The following DGKG variants were observed in gnomAD, a reference collection of about 807,000 sequenced individuals.
DGKG encodes DAG kinase gamma.
DGKG carries 78 observed loss-of-function variants against 105.3 expected under a neutral mutation model. The ratio of observed to expected loss-of-function variants is 0.74; its 90% CI spans 0.62 to 0.89. The LOEUF (loss-of-function observed/expected upper bound fraction) is 0.89, where lower values mean the gene tolerates loss of function less well. Among genes scored for constraint, DGKG ranks in the 40% least tolerant of loss-of-function variants. The pLI is 0.00. For synonymous variants in DGKG, 346 were observed against 367.1 expected, an observed-to-expected ratio of 0.94 and a Z score of 0.66; for missense variants, 958 against 1,020.1, an observed-to-expected ratio of 0.94 and a Z score of 0.83.
At chr3:186,304,735 C>T (rs1450290079) in intron 3 of DGKG, among the ~76,000 whole-genome samples, 1 of 152,212 alleles carries the variant, frequency 6.6e-6, no homozygotes, top group Non-Finnish European at 1.5e-5. Context: ...CACTCATCCA[C>T]AAACTTCGAG....
chr3:186,275,811 A>G (rs1722555805), intron 9 of DGKG, 147 bp from the exon 10 acceptor site: 2 of 565,076 alleles, frequency 3.5e-6, no homozygotes, highest in Admixed American at 3.6e-5. Flanking sequence ...AAATAAAAAC[A>G]AAATTTTTGT....
At chr3:186,247,138 A>C (rs891994445) in intron 19 of DGKG, among the ~76,000 whole-genome samples, 2 of 152,350 alleles carry the variant, frequency 1.3e-5, no homozygotes, top group African/African-American at 4.8e-5. Context: ...AGTAGATATT[A>C]TCAGTTAGAA....
intron 13 of DGKG, 112 bp from the exon 14 acceptor site, chr3:186,265,418 T>G: frequency 1.0e-6 from 1 of 965,614 alleles, no homozygotes; most frequent in Non-Finnish European, 1.6e-6. Context: ...AGAAAGCTAG[T>G]GTAGTATGGA....
chr3:186,315,583 T>C (rs1400971020), intron 2 of DGKG, among the ~76,000 whole-genome samples: 1 of 152,080 alleles, frequency 6.6e-6, no homozygotes, highest in East Asian at 1.9e-4. Flanking sequence ...CAGTTTGCCT[T>C]ACTAGGCACT....
chr3:186,236,772 G>T (rs1720439836), intron 20 of DGKG, among the ~76,000 whole-genome samples: 1 of 152,248 alleles, frequency 6.6e-6, no homozygotes, highest in Non-Finnish European at 1.5e-5. Flanking sequence ...TAGGAATGAA[G>T]CACTGCTTCG....
In DGKG at chr3:186,302,476, A is replaced by ATG. The variant is rs1560143453; in HGVS notation, c.145-4248_145-4247insCA. Among the ~76,000 whole-genome samples the ATG allele has an allele frequency of 7.0e-4, 64 of 91,296 alleles. 1 individual carries two copies. The highest frequency in any genetic ancestry group is 8.2e-4 in the Non-Finnish European group (39 of 47,374). The allele number at this position is 91,296 out of a possible 152,430, so 59.9% of individuals were successfully genotyped here. A position where few individuals can be genotyped will look rare whatever the true frequency, so the allele number is the denominator to read the frequency against. The stretch of plus-strand genomic sequence containing the variant: ...GGAAATGTGCTATATATATATATAT[A>ATG]TATATATATATATATATATATATAT... On this transcript the variant is annotated intron_variant, in intron 3 of 24. Transcript: ENST00000265022.
intron 3 of DGKG, among the ~76,000 whole-genome samples, chr3:186,302,888 C>G (rs1724046932): frequency 6.6e-6 from 1 of 152,108 alleles, no homozygotes; most frequent in Admixed American, 6.6e-5. Context: ...TCCTAGAGAA[C>G]AGGATGCACA....
chr3:186,311,667 C>G (rs946819022), intron 2 of DGKG, among the ~76,000 whole-genome samples: 1 of 152,152 alleles, frequency 6.6e-6, no homozygotes, highest in African/African-American at 2.4e-5. Flanking sequence ...AAAAATTTGG[C>G]CCTACACACA....
chr3:186,159,006 C>T (rs924135706), intron 24 of DGKG: 9 of 255,048 alleles, frequency 3.5e-5, no homozygotes, highest in African/African-American at 7.0e-5. Flanking sequence ...ATTATATATA[C>T]GTATGTATAA....
intron 3 of DGKG, among the ~76,000 whole-genome samples, chr3:186,299,046 A>T (rs1415016654): frequency 1.3e-5 from 2 of 152,198 alleles, no homozygotes; most frequent in Non-Finnish European, 2.9e-5. Context: ...CCAGGCTGGG[A>T]GCAGCTATGC....
At chr3:186,311,275 C>T (rs1361845924) in intron 2 of DGKG, among the ~76,000 whole-genome samples, 1 of 152,036 alleles carries the variant, frequency 6.6e-6, no homozygotes, top group East Asian at 1.9e-4. Context: ...TGAAGACTGT[C>T]CTAAAAAGCC....
chr3:186,158,907 G>A (rs972455518), intron 24 of DGKG: 5 of 915,824 alleles, frequency 5.5e-6, no homozygotes, highest in South Asian at 5.1e-5. Context: ...CACATGGAAA[G>A]GTTAGTTTGC....
chr3:186,338,741 T>G (rs1228202595), intron 1 of DGKG, among the ~76,000 whole-genome samples: 1 of 152,218 alleles, frequency 6.6e-6, no homozygotes, highest in Non-Finnish European at 1.5e-5. Context: ...TATCTAGGTC[T>G]GCTTCTTTCT....
intron 1 of DGKG, among the ~76,000 whole-genome samples, chr3:186,348,455 T>A (rs1435989337): frequency 6.8e-6 from 1 of 146,590 alleles, no homozygotes; most frequent in African/African-American, 2.5e-5. Context: ...CATAATCTTT[T>A]TTTTTTTTTT....
At chr3:186,352,733 C>T (rs913746582) in intron 1 of DGKG, among the ~76,000 whole-genome samples, 1 of 152,176 alleles carries the variant, frequency 6.6e-6, no homozygotes, top group African/African-American at 2.4e-5. Context: ...TCCACCTGTA[C>T]TGCCATTGGT....
At chr3:186,281,900 A>G (rs1049595117) in intron 7 of DGKG, among the ~76,000 whole-genome samples, 2 of 152,200 alleles carry the variant, frequency 1.3e-5, no homozygotes, top group African/African-American at 4.8e-5. Flanking sequence ...CCACATTTGG[A>G]TACTTAAAGA....
chr3:186,232,588 G>A (rs1459907294), intron 20 of DGKG, among the ~76,000 whole-genome samples: 1 of 152,066 alleles, frequency 6.6e-6, no homozygotes, highest in Non-Finnish European at 1.5e-5. Context: ...TCCATGATGG[G>A]AATATGAGTG....
intron 20 of DGKG, 21 bp downstream of exon 20, chr3:186,242,483 G>A (rs754921068): frequency 2.7e-5 from 43 of 1,604,082 alleles, no homozygotes; most frequent in Middle Eastern, 3.4e-4. Flanking sequence ...GGGTGGCAGC[G>A]CAGCCGGGCC....
chr3:186,329,683 C>G (rs144244022), intron 1 of DGKG, among the ~76,000 whole-genome samples: 3 of 152,326 alleles, frequency 2.0e-5, no homozygotes, highest in South Asian at 2.1e-4. Context: ...CGCAACTTGA[C>G]AAGTGCCCCA....
Sources: gnomAD v4.1 joint callset for allele counts (sites outside exome capture counted in the v4.1 genomes callset) on GRCh38, gnomAD v4.1.1 for gene constraint, MANE v1.5 for transcripts, NCBI Gene and HGNC (gene_info 2026-07-23, HGNC 2026-07-21) for gene names.